Variants in SS18 observed in about 807,000 individuals in gnomAD.
SS18 encodes protein SSXT.
Under a neutral mutation model 72.5 loss-of-function variants are expected in SS18, and 28 were observed. That is an observed-to-expected ratio of 0.39 (90% CI 0.29 to 0.53). The LOEUF (loss-of-function observed/expected upper bound fraction) is 0.53, where lower values mean the gene tolerates loss of function less well. Among genes scored for constraint, SS18 ranks in the 20% least tolerant of loss-of-function variants. The pLI is 0.76. For synonymous variants in SS18, 172 were observed against 164.2 expected (o/e 1.05, Z -0.37); for missense variants, 518 against 535.3 (o/e 0.97, Z 0.32).
chr18:26,049,912 T>C (rs552301248), intron 5 of SS18, among the ~76,000 whole-genome samples: 4 of 136,330 alleles, frequency 2.9e-5, no homozygotes, highest in Non-Finnish European at 6.4e-5. Context: ...TTGACTATTA[T>C]ACTTAAGCAA....
At chr18:26,021,127 G>T (rs1407296042) in intron 10 of SS18, among the ~76,000 whole-genome samples, 1 of 152,108 alleles carries the variant, frequency 6.6e-6, no homozygotes, top group African/African-American at 2.4e-5. Flanking sequence ...GCCTAAAAAG[G>T]TAGGCTGTGT....
intron 10 of SS18, among the ~76,000 whole-genome samples, chr18:26,022,598 G>A (rs987542760): frequency 4.6e-5 from 7 of 152,160 alleles, no homozygotes; most frequent in African/African-American, 1.4e-4. Context: ...TGCAGTGCAC[G>A]AAGGGGAACT....
intron 3 of SS18, among the ~76,000 whole-genome samples, chr18:26,070,423 T>C (rs897920478): frequency 1.3e-5 from 2 of 152,196 alleles, no homozygotes; most frequent in South Asian, 2.1e-4. Context: ...ACTTCTCCCA[T>C]TTTTGCTATT....
At chr18:26,074,881 G>C (rs1045079932) in intron 3 of SS18, among the ~76,000 whole-genome samples, 6 of 151,824 alleles carry the variant, frequency 4.0e-5, no homozygotes, top group African/African-American at 1.4e-4. Context: ...CAAAGCAGAA[G>C]TCACAAATAA....
At chr18:26,063,205 CCGGGCACAG>C (rs1378479289) in intron 3 of SS18, among the ~76,000 whole-genome samples, 3 of 143,132 alleles carry the variant, frequency 2.1e-5, no homozygotes, top group African/African-American at 9.1e-5. Flanking sequence ...AATCAGTAGG[CCGGGCACAG>C]TGGAATTAAA....
At chr18:26,089,047 C>G (rs932177303) in intron 1 of SS18, among the ~76,000 whole-genome samples, 70 of 152,256 alleles carry the variant, frequency 4.6e-4, no homozygotes, top group African/African-American at 1.6e-3. Context: ...TGAACTTCAC[C>G]ATTAAAATAT....
chr18:26,057,557 T>C, intron 4 of SS18, 32 bp downstream of exon 4: 2 of 1,612,392 alleles, frequency 1.2e-6, no homozygotes, highest in Non-Finnish European at 1.7e-6. Flanking sequence ...TAAGCAACTC[T>C]GGTGTTAATG....
intron 6 of SS18, 110 bp from the exon 7 acceptor site, chr18:26,038,769 T>A: frequency 5.8e-6 from 6 of 1,034,178 alleles, no homozygotes; most frequent in Non-Finnish European, 8.7e-6. Context: ...TAGATTCCCA[T>A]CTCATAATTT....
Position 26,039,334 on chromosome 18 carries a change from T to C in SS18, c.730A>G (p.Met244Val). Residue 244 changes from methionine (M) to valine (V), a missense_variant, in exon 6 of 11, where the codon ATG (methionine) becomes GTG (valine). By Grantham distance (21) the Met-to-Val change is conservative. Coordinates refer to ENST00000415083, the MANE Select transcript of SS18 (RefSeq NM_001007559.3). ...GGAGGAATCTGTCTCTGACCCATCA[T>C]ATGATTGCCTTGGTTAACTTGACCC... ...MMGQVNQGNH[M>V]MGQRQIPPYR... 1 of 1,613,974 alleles carries C rather than the reference T, an allele frequency of 6.2e-7. No homozygotes were observed. Among genetic ancestry groups the C allele is most frequent in the Non-Finnish European group, 8.5e-7 (1 of 1,179,872 alleles).
intron 2 of SS18, chr18:26,082,346 T>C (rs1051126668): frequency 5.4e-6 from 5 of 926,824 alleles, no homozygotes; most frequent in Non-Finnish European, 6.4e-6. Context: ...AATTTCATTT[T>C]ATAAAATAAA....
intron 3 of SS18, among the ~76,000 whole-genome samples, chr18:26,064,018 T>TTAAG (rs1416384643): frequency 6.6e-6 from 1 of 152,004 alleles, no homozygotes; most frequent in Non-Finnish European, 1.5e-5. Context: ...AAATGAGATA[T>TTAAG]TAAGAACAAC....
intron 3 of SS18, among the ~76,000 whole-genome samples, chr18:26,059,197 T>A (rs759593275): frequency 4.2e-4 from 64 of 152,166 alleles, no homozygotes; most frequent in Non-Finnish European, 8.1e-4. Flanking sequence ...GTAAAAACTG[T>A]TTGAAGCCAC....
rs373123389 is a variant in SS18 at position 26,039,316 on chromosome 18, T to A, written c.748A>T (p.Ile250Phe). Residue 250 changes from isoleucine to phenylalanine, a missense_variant, in exon 6 of 11, where the codon ATT becomes TTT. Transcript: ENST00000415083. ...TGTTGAGGAGGTCTATAGGGAGGAATCTGTCTCTGACCCATCATATGATTG... is the reference window on the plus strand; with the variant it reads ...TGTTGAGGAGGTCTATAGGGAGGAAACTGTCTCTGACCCATCATATGATTG... ...QGNHMMGQRQ[I>F]PPYRPPQQGP... 2 of 1,612,854 alleles carry A rather than the reference T, an allele frequency of 1.2e-6. No individual in the cohort carries two copies. Among genetic ancestry groups the A allele is most frequent in the African/African-American group, 2.7e-5 (2 of 74,840 alleles).
In SS18 at chr18:26,035,319, A is replaced by G; in HGVS notation, c.974-192T>C. On this transcript the variant is annotated intron_variant, in intron 8 of 10. Transcript: ENST00000415083. This position sits in a 1 kb window ranked among gnomAD's most constrained non-coding sequence, Gnocchi z 4.4. The stretch of plus-strand genomic sequence containing the variant: ...GCCAAACAAACTGCAGTTAAAGCCA[A>G]TTTTGCAAGGTTGAACTGCAGCATT... 1 of 606,024 alleles carries G rather than the reference A, an allele frequency of 1.7e-6. No homozygotes were observed. The highest frequency in any genetic ancestry group is 2.7e-6 in the Non-Finnish European group (1 of 368,556). 37.5% of individuals were successfully genotyped at this position (606,024 alleles called of 1,614,324 possible). A position where few individuals can be genotyped will look rare whatever the true frequency, so the allele number is the denominator to read the frequency against.
intron 1 of SS18, chr18:26,090,209 GC>G (rs1172663900): frequency 1.4e-5 from 6 of 444,306 alleles, no homozygotes; most frequent in Non-Finnish European, 2.4e-5. Flanking sequence ...GGGCGCACGC[GC>G]CCCGCAGCCC....
At chr18:26,024,457 G>A (rs1187047490) in intron 10 of SS18, among the ~76,000 whole-genome samples, 4 of 152,104 alleles carry the variant, frequency 2.6e-5, no homozygotes, top group African/African-American at 9.7e-5. Context: ...CTGAAGAGCT[G>A]GGACTACAGG....
chr18:26,073,888 T>G (rs73403579), intron 3 of SS18, among the ~76,000 whole-genome samples: 1,790 of 152,330 alleles, frequency 0.012, 26 homozygotes, highest in African/African-American at 0.041. Context: ...AATTGTTAAC[T>G]GTATTTATCT....
chr18:26,032,185 G>A (rs772756777), intron 10 of SS18, among the ~76,000 whole-genome samples: 3 of 152,002 alleles, frequency 2.0e-5, no homozygotes, highest in Non-Finnish European at 2.9e-5. Flanking sequence ...CTTATGATAA[G>A]GCCATGTTTT....
At chr18:26,080,860 T>C (rs2054505235) in intron 2 of SS18, among the ~76,000 whole-genome samples, 1 of 152,088 alleles carries the variant, frequency 6.6e-6, no homozygotes, top group Admixed American at 6.6e-5. Flanking sequence ...TTACTCCTAA[T>C]ACTTCAGTAC....
Sources: gnomAD v4.1 joint callset for allele counts (sites outside exome capture counted in the v4.1 genomes callset) on GRCh38, gnomAD v4.1.1 for gene constraint, Gnocchi (gnomAD v3.1) non-coding constraint, MANE v1.5 for transcripts, NCBI Gene and HGNC (gene_info 2026-07-23, HGNC 2026-07-21) for gene names.